FUT9: variants seen among roughly 807,000 people sequenced by gnomAD.
The protein encoded by FUT9 is fucosyltransferase 9.
Under a neutral mutation model 29.7 loss-of-function variants are expected in FUT9, and 15 were observed. The ratio of observed to expected loss-of-function variants is 0.51; its 90% CI spans 0.34 to 0.78. The LOEUF is 0.78. FUT9 is among the 30% of genes least tolerant of loss of function. The pLI is 0.01. For synonymous variants in FUT9, 169 were observed against 153.7 expected, an observed-to-expected ratio of 1.10 and a Z score of -0.74; for missense variants, 319 against 425.4, an observed-to-expected ratio of 0.75 and a Z score of 2.20.
At chr6:96,149,169 A>AT (rs1414634685) in intron 2 of FUT9, among the ~76,000 whole-genome samples, 41 of 68,562 alleles carry the variant, frequency 6.0e-4, no homozygotes, top group South Asian at 1.8e-3. Context: ...AAAAAAAAAA[A>AT]ATTTTTTTTG....
intron 1 of FUT9, among the ~76,000 whole-genome samples, chr6:96,049,851 G>T (rs1235214098): frequency 6.6e-6 from 1 of 152,204 alleles, no homozygotes; most frequent in African/African-American, 2.4e-5. Flanking sequence ...TGATATATGG[G>T]ATTAGCTAAC....
At chr6:96,187,393 C>T (rs539330442) in intron 2 of FUT9, among the ~76,000 whole-genome samples, 2 of 152,150 alleles carry the variant, frequency 1.3e-5, no homozygotes, top group South Asian at 4.1e-4. Context: ...GGATTCTGGG[C>T]CCACACATCC....
In FUT9 at chr6:96,068,878, A is replaced by G. The variant is rs545979873; in HGVS notation, c.-97-45161A>G. Among the ~76,000 whole-genome samples the G allele has an allele frequency of 2.6e-3, 403 of 152,340 alleles. 1 individual carries two copies. The highest frequency in any genetic ancestry group is 4.7e-3 in the Non-Finnish European group (323 of 68,034). On this transcript the variant is annotated intron_variant, in intron 1 of 2. Coordinates refer to ENST00000302103, the MANE Select transcript of FUT9 (RefSeq NM_006581.4). The stretch of plus-strand genomic sequence containing the variant: ...AACCTAAGAAAATGAACTGGAGAAA[A>G]AAAGAAGTAAAATTGTGAAGTCAGA...
At chr6:96,137,168 A>G (rs1772363970) in intron 2 of FUT9, among the ~76,000 whole-genome samples, 1 of 152,026 alleles carries the variant, frequency 6.6e-6, no homozygotes, top group South Asian at 2.1e-4. Flanking sequence ...ACAACAGTGA[A>G]GTGTTTTAAA....
At chr6:96,133,637 C>T (rs962820284) in intron 2 of FUT9, among the ~76,000 whole-genome samples, 1 of 151,882 alleles carries the variant, frequency 6.6e-6, no homozygotes, top group Non-Finnish European at 1.5e-5. Flanking sequence ...GTAATTCATA[C>T]ATTGAACTTA....
At chr6:96,153,327 C>T (rs1018761040) in intron 2 of FUT9, among the ~76,000 whole-genome samples, 5 of 152,274 alleles carry the variant, frequency 3.3e-5, no homozygotes, top group Admixed American at 6.5e-5. Flanking sequence ...CCAGCTGCTT[C>T]ATTTTTCCCT....
chr6:96,160,869 A>C (rs1772887053), intron 2 of FUT9, among the ~76,000 whole-genome samples: 1 of 152,194 alleles, frequency 6.6e-6, no homozygotes, highest in Admixed American at 6.5e-5. Context: ...AAATAACAAT[A>C]ATGAGAAGGT....
intron 2 of FUT9, among the ~76,000 whole-genome samples, chr6:96,145,820 A>G (rs1180558891): frequency 6.6e-6 from 1 of 152,094 alleles, no homozygotes; most frequent in African/African-American, 2.4e-5. Flanking sequence ...GTAGGTCACG[A>G]GGTCTCAGTA....
At chr6:96,177,685 TAGTAAC>T (rs887644264) in intron 2 of FUT9, among the ~76,000 whole-genome samples, 12 of 152,272 alleles carry the variant, frequency 7.9e-5, no homozygotes, top group Non-Finnish European at 2.9e-5. Flanking sequence ...GAGGTAAGTA[TAGTAAC>T]AGCTATCTTT....
At chr6:96,128,548 G>T (rs1186129938) in intron 2 of FUT9, among the ~76,000 whole-genome samples, 1 of 151,924 alleles carries the variant, frequency 6.6e-6, no homozygotes, top group Non-Finnish European at 1.5e-5. Flanking sequence ...ATAACATACT[G>T]GTATGTTCAT....
At chr6:96,034,150 A>T (rs529984337) in intron 1 of FUT9, among the ~76,000 whole-genome samples, 5 of 151,698 alleles carry the variant, frequency 3.3e-5, no homozygotes, top group Admixed American at 6.6e-5. Flanking sequence ...CTTGATCTTC[A>T]TATCTTTTGG....
chr6:96,036,910 T>C (rs369208601), intron 1 of FUT9: 12 of 152,138 alleles, frequency 7.9e-5, no homozygotes, highest in African/African-American at 2.6e-4. Context: ...CAGATTCTTA[T>C]TCAATAGATC....
chr6:96,069,881 T>A (rs2127947067), intron 1 of FUT9, among the ~76,000 whole-genome samples: 1 of 152,158 alleles, frequency 6.6e-6, no homozygotes, highest in Middle Eastern at 3.4e-3. Flanking sequence ...CTTACCCTCC[T>A]CGGCCTCTCA....
chr6:96,049,530 G>A (rs1303621242), intron 1 of FUT9, among the ~76,000 whole-genome samples: 1 of 152,152 alleles, frequency 6.6e-6, no homozygotes, highest in Non-Finnish European at 1.5e-5. Flanking sequence ...TCAAAGGCGA[G>A]GGCCAAGGTA....
At chr6:96,092,077 G>A (rs943607091) in intron 1 of FUT9, among the ~76,000 whole-genome samples, 3 of 152,042 alleles carry the variant, frequency 2.0e-5, no homozygotes, top group Admixed American at 1.3e-4. Context: ...CTATGACAAA[G>A]TAGGGTGTAT....
chr6:96,156,145 T>C (rs1029953560), intron 2 of FUT9, among the ~76,000 whole-genome samples: 3 of 152,224 alleles, frequency 2.0e-5, no homozygotes, highest in South Asian at 2.1e-4. Context: ...TCTAATGCTA[T>C]AGGAAAGTTT....
intron 1 of FUT9, among the ~76,000 whole-genome samples, chr6:96,108,564 C>T (rs1223046001): frequency 6.6e-6 from 1 of 152,094 alleles, no homozygotes; most frequent in African/African-American, 2.4e-5. Flanking sequence ...GAGAATCAAG[C>T]TCTCAGCATG....
At chr6:96,101,152 C>A (rs1237007066) in intron 1 of FUT9, among the ~76,000 whole-genome samples, 2 of 152,114 alleles carry the variant, frequency 1.3e-5, no homozygotes, top group East Asian at 3.9e-4. Context: ...TTTTTCAGTT[C>A]ATGCAAATAT....
rs990891805 is a variant in FUT9 at position 96,210,267 on chromosome 6, A to T, written c.*6032A>T. On this transcript the variant is annotated 3_prime_UTR_variant, in exon 3 of 3. Transcript: ENST00000302103. ...AGTATTCTACTTCAAAATCCAAGACATTTTGTATACCTAATTATTTCACAC... is the reference window on the plus strand; with the variant it reads ...AGTATTCTACTTCAAAATCCAAGACTTTTTGTATACCTAATTATTTCACAC... The T allele has an allele frequency of 1.2e-5, 2 of 166,888 alleles. No homozygotes were observed. The highest frequency in any genetic ancestry group is 4.8e-5 in the African/African-American group (2 of 41,438). 10.3% of individuals were successfully genotyped at this position (166,888 alleles called of 1,614,324 possible).
Sources: gnomAD v4.1 joint callset for allele counts (sites outside exome capture counted in the v4.1 genomes callset) on GRCh38, gnomAD v4.1.1 for gene constraint, MANE v1.5 for transcripts, NCBI Gene and HGNC (gene_info 2026-07-23, HGNC 2026-07-21) for gene names.